ITFG1: variants seen among roughly 807,000 people sequenced by gnomAD.
ITFG1 encodes the protein integrin alpha FG-GAP repeat containing 1, also known as T-cell immunomodulatory protein.
Under a neutral mutation model 81.8 loss-of-function variants are expected in ITFG1, and 34 were observed. That is an observed-to-expected ratio of 0.42 (90% CI 0.32 to 0.55). The LOEUF (loss-of-function observed/expected upper bound fraction) is 0.55. ITFG1 is among the 20% of genes least tolerant of loss of function. The probability of loss-of-function intolerance (pLI) is 0.17; values close to 1 mark genes in which losing one functional copy is unlikely to be tolerated. For missense variants in ITFG1, 672 were observed against 755.4 expected (o/e 0.89, Z 1.29); for synonymous variants, 285 against 270.6 (o/e 1.05, Z -0.52).
At chr16:47,445,247 G>GAAA (rs907756228) in intron 5 of ITFG1, among the ~76,000 whole-genome samples, 637 of 30,738 alleles carry the variant, frequency 0.021, 22 homozygotes, top group African/African-American at 0.065. Context: ...CTCCGTCTCA[G>GAAA]AAAAAAAAAA....
intron 10 of ITFG1, among the ~76,000 whole-genome samples, chr16:47,272,680 G>A (rs180932243): frequency 1.1e-3 from 161 of 152,204 alleles, no homozygotes; most frequent in South Asian, 2.9e-3. Context: ...ACGGGCGTGA[G>A]CCATTGCGCC....
chr16:47,448,599 A>G (rs1969350061), intron 5 of ITFG1: 1 of 149,680 alleles, frequency 6.7e-6, no homozygotes, highest in South Asian at 2.1e-4. Context: ...TACGTGAGTC[A>G]GAAAATTTTT....
At chr16:47,304,046 C>A (rs756864094) in intron 10 of ITFG1, among the ~76,000 whole-genome samples, 1 of 152,146 alleles carries the variant, frequency 6.6e-6, no homozygotes, top group Non-Finnish European at 1.5e-5. Flanking sequence ...TACATTTTAA[C>A]TTACATGTTT....
chr16:47,172,445 G>A (rs1314117080), intron 14 of ITFG1, among the ~76,000 whole-genome samples: 9 of 152,146 alleles, frequency 5.9e-5, no homozygotes, highest in Admixed American at 5.9e-4. Context: ...CCATGATCGT[G>A]CCACTGCACT....
intron 6 of ITFG1, among the ~76,000 whole-genome samples, chr16:47,403,761 TACACACACACACACAC>T (rs55978309): frequency 2.0e-4 from 27 of 133,168 alleles, no homozygotes; most frequent in South Asian, 2.7e-4. Flanking sequence ...TCTCTCTTGG[TACACACACACACACAC>T]ACACACACAC....
At chr16:47,347,715 G>A (rs1328263723) in intron 8 of ITFG1, among the ~76,000 whole-genome samples, 1 of 152,188 alleles carries the variant, frequency 6.6e-6, no homozygotes, top group Non-Finnish European at 1.5e-5. Flanking sequence ...CCAGCACAGA[G>A]TCTGAGATCT....
chr16:47,293,101 CATAT>C (rs1332198172), intron 10 of ITFG1, among the ~76,000 whole-genome samples: 3 of 143,456 alleles, frequency 2.1e-5, no homozygotes, highest in African/African-American at 5.2e-5. Flanking sequence ...TATGTATATA[CATAT>C]GATATATATC....
At chr16:47,200,039 T>G (rs895818257) in intron 14 of ITFG1, among the ~76,000 whole-genome samples, 2 of 152,142 alleles carry the variant, frequency 1.3e-5, no homozygotes, top group African/African-American at 4.8e-5. Context: ...CAGATGAAGC[T>G]TTGCTTGTTT....
At chr16:47,299,655 G>C (rs1967042887) in intron 10 of ITFG1, 1 of 152,456 alleles carries the variant, frequency 6.6e-6, no homozygotes, top group Non-Finnish European at 1.5e-5. Flanking sequence ...GGGTTCCATA[G>C]CCTAGCAGGT....
chr16:47,184,635 A>T (rs1295863868), intron 14 of ITFG1, among the ~76,000 whole-genome samples: 2 of 152,166 alleles, frequency 1.3e-5, no homozygotes, highest in Non-Finnish European at 2.9e-5. Flanking sequence ...GAAGCGCTAA[A>T]CATGGAAAGG....
chr16:47,303,924 C>T (rs1238131789), intron 10 of ITFG1, among the ~76,000 whole-genome samples: 1 of 152,140 alleles, frequency 6.6e-6, no homozygotes, highest in Admixed American at 6.5e-5. Context: ...GCCACCACAC[C>T]TGGCCTGTTA....
intron 6 of ITFG1, among the ~76,000 whole-genome samples, chr16:47,409,024 T>C (rs538403145): frequency 2.9e-4 from 44 of 152,160 alleles, no homozygotes; most frequent in African/African-American, 1.1e-3. Flanking sequence ...AATATATACT[T>C]GTGAAAGAAA....
chr16:47,242,359 C>A (rs1433440866), intron 12 of ITFG1, among the ~76,000 whole-genome samples: 1 of 150,672 alleles, frequency 6.6e-6, no homozygotes, highest in Non-Finnish European at 1.5e-5. Flanking sequence ...GAGAAAGACA[C>A]TCAACTGCAC....
At chr16:47,167,912 C>G (rs1239881429) in intron 14 of ITFG1, among the ~76,000 whole-genome samples, 1 of 152,102 alleles carries the variant, frequency 6.6e-6, no homozygotes, top group Non-Finnish European at 1.5e-5. Flanking sequence ...GTACAAATAC[C>G]TCTTTGAGAC....
intron 12 of ITFG1, among the ~76,000 whole-genome samples, chr16:47,245,519 T>C (rs1262562627): frequency 6.6e-6 from 1 of 152,178 alleles, no homozygotes; most frequent in Non-Finnish European, 1.5e-5. Context: ...CCCCAATTTT[T>C]TTTCCTCCTA....
At chr16:47,424,099 C>A (rs1968987600) in intron 6 of ITFG1, among the ~76,000 whole-genome samples, 1 of 151,762 alleles carries the variant, frequency 6.6e-6, no homozygotes, top group Non-Finnish European at 1.5e-5. Context: ...TCACATAGTC[C>A]CATATTTCTT....
chr16:47,261,366 T>C (rs1284520731), intron 10 of ITFG1, among the ~76,000 whole-genome samples: 1 of 152,214 alleles, frequency 6.6e-6, no homozygotes, highest in African/African-American at 2.4e-5. Context: ...TAAGAGTACT[T>C]AGAGCATAGG....
chr16:47,218,905 T>G lies in ITFG1; in HGVS notation c.1416A>C (p.Thr472=), dbSNP rs1409645735. 2.5e-6 allele frequency: 4 copies of G among 1,604,112 alleles called. No homozygotes were observed. Among genetic ancestry groups the G allele is most frequent in the Non-Finnish European group, 3.4e-6 (4 of 1,175,082 alleles). The change falls in exon 14 of 18, where the codon ACA becomes ACC. Residue 472 remains threonine, a synonymous_variant. Coordinates refer to ENST00000320640, the MANE Select transcript of ITFG1 (RefSeq NM_030790.5). Reference sequence around the variant, plus strand: ...TCAGATACCCATTTGCATCTACAGTTGTATACATGATATAAGGTCCAGGTT... The same window carrying G: ...TCAGATACCCATTTGCATCTACAGTGGTATACATGATATAAGGTCCAGGTT... ...VNQPGPYIMY[T]TVDANGYLKN...
At chr16:47,325,260 T>G (rs1211927447) in intron 8 of ITFG1, among the ~76,000 whole-genome samples, 1 of 152,218 alleles carries the variant, frequency 6.6e-6, no homozygotes, top group African/African-American at 2.4e-5. Context: ...GAAATAAAGA[T>G]GTTCTTTGAA....
Sources: gnomAD v4.1 joint callset for allele counts (sites outside exome capture counted in the v4.1 genomes callset) on GRCh38, gnomAD v4.1.1 for gene constraint, MANE v1.5 for transcripts, NCBI Gene and HGNC (gene_info 2026-07-23, HGNC 2026-07-21) for gene names.